SPOCK1: variants seen among roughly 807,000 people sequenced by gnomAD.
The protein encoded by SPOCK1 is SPARC (osteonectin), cwcv and kazal like domains proteoglycan 1.
In SPOCK1, 23 loss-of-function variants were observed where a neutral mutation model predicts 55.3. The observed-to-expected ratio is 0.42, with a 90% CI of 0.30 to 0.59. SPOCK1 has a LOEUF of 0.59. Among genes scored for constraint, SPOCK1 ranks in the 20% least tolerant of loss-of-function variants. SPOCK1 has a pLI of 0.22. For synonymous variants in SPOCK1, 226 were observed against 221.0 expected (o/e 1.02, Z -0.20); for missense variants, 499 against 552.5 (o/e 0.90, Z 0.97).
intron 2 of SPOCK1, among the ~76,000 whole-genome samples, chr5:137,485,663 C>T (rs911419704): frequency 6.6e-6 from 1 of 151,608 alleles, no homozygotes; most frequent in Admixed American, 6.6e-5. Flanking sequence ...AACTGCCCTT[C>T]AACAATATAA....
chr5:137,476,648 G>C (rs1460388686), intron 2 of SPOCK1, among the ~76,000 whole-genome samples: 1 of 152,268 alleles, frequency 6.6e-6, no homozygotes, highest in Non-Finnish European at 1.5e-5. Context: ...TTTTTGGCTG[G>C]ACACGGTGGC....
intron 3 of SPOCK1, among the ~76,000 whole-genome samples, chr5:137,163,838 C>T (rs900440868): frequency 1.3e-5 from 2 of 152,150 alleles, no homozygotes; most frequent in African/African-American, 4.8e-5. Context: ...GTTCCTTTAC[C>T]AAGGCACAGC....
intron 2 of SPOCK1, among the ~76,000 whole-genome samples, chr5:137,370,180 G>GCTGCCTACCT: frequency 6.6e-6 from 1 of 152,190 alleles, no homozygotes; most frequent in Admixed American, 6.5e-5. Flanking sequence ...CTTCTCACCC[G>GCTGCCTACCT]CTGCCTACCT....
chr5:137,259,113 C>T (rs17171218), intron 3 of SPOCK1, among the ~76,000 whole-genome samples: 5,279 of 152,244 alleles, frequency 0.035, 358 homozygotes, highest in African/African-American at 0.12. Flanking sequence ...GCCTACAAGA[C>T]AGCTGTGATT....
At chr5:137,007,876 C>G (rs1364584829) in intron 6 of SPOCK1, among the ~76,000 whole-genome samples, 1 of 152,058 alleles carries the variant, frequency 6.6e-6, no homozygotes, top group African/African-American at 2.4e-5. Flanking sequence ...ATAGCAAAGA[C>G]TTGGAACCAA....
chr5:137,287,677 G>T (rs183983416), intron 2 of SPOCK1, among the ~76,000 whole-genome samples: 5 of 152,296 alleles, frequency 3.3e-5, no homozygotes, highest in Admixed American at 6.5e-5. Flanking sequence ...AAAGCAAATT[G>T]CTCCCTGCAA....
At chr5:137,360,959 C>T (rs919672450) in intron 2 of SPOCK1, among the ~76,000 whole-genome samples, 1 of 152,138 alleles carries the variant, frequency 6.6e-6, no homozygotes, top group Non-Finnish European at 1.5e-5. Context: ...CTCCTAAATT[C>T]ACATGTTGAA....
intron 2 of SPOCK1, among the ~76,000 whole-genome samples, chr5:137,396,291 A>G (rs1207593044): frequency 6.6e-6 from 1 of 152,200 alleles, no homozygotes; most frequent in Non-Finnish European, 1.5e-5. Flanking sequence ...AAGTAGCTCA[A>G]AGGCATTTGA....
At chr5:137,248,237 C>T (rs1012841578) in intron 3 of SPOCK1, among the ~76,000 whole-genome samples, 2 of 152,154 alleles carry the variant, frequency 1.3e-5, no homozygotes, top group African/African-American at 4.8e-5. Context: ...AAATCTATAG[C>T]ATCTTAATCT....
At chr5:137,478,481 T>A (rs911094752) in intron 2 of SPOCK1, among the ~76,000 whole-genome samples, 1 of 152,146 alleles carries the variant, frequency 6.6e-6, no homozygotes, top group East Asian at 1.9e-4. Flanking sequence ...AGATTTGAAA[T>A]AATCACTGGT....
At chr5:137,032,605 C>A (rs147950705) in intron 6 of SPOCK1, among the ~76,000 whole-genome samples, 1 of 151,996 alleles carries the variant, frequency 6.6e-6, no homozygotes, top group African/African-American at 2.4e-5. Flanking sequence ...ACGGTACTCA[C>A]GAGAAAACCA....
intron 3 of SPOCK1, among the ~76,000 whole-genome samples, chr5:137,212,101 G>A (rs1028089927): frequency 2.6e-5 from 4 of 152,210 alleles, no homozygotes; most frequent in African/African-American, 7.2e-5. Flanking sequence ...GGCATCCGAA[G>A]GGGGGTCCAT....
intron 6 of SPOCK1, among the ~76,000 whole-genome samples, chr5:137,063,624 AAGG>A (rs1287735998): frequency 1.3e-5 from 2 of 152,178 alleles, no homozygotes; most frequent in African/African-American, 2.4e-5. Context: ...AACCTCTGAA[AAGG>A]AGAAGACCAT....
chr5:137,309,793 T>C (rs955138481), intron 2 of SPOCK1, among the ~76,000 whole-genome samples: 15 of 151,946 alleles, frequency 9.9e-5, no homozygotes, highest in African/African-American at 3.6e-4. Context: ...AATAAGAAAA[T>C]GCATGTGAAG....
intron 3 of SPOCK1, among the ~76,000 whole-genome samples, chr5:137,149,113 C>G (rs1754261061): frequency 6.6e-6 from 1 of 152,174 alleles, no homozygotes; most frequent in African/African-American, 2.4e-5. Flanking sequence ...TGCTGCTGTC[C>G]TGTGAACTTA....
chr5:137,089,312 G>C (rs1349026799), intron 5 of SPOCK1, among the ~76,000 whole-genome samples: 1 of 152,196 alleles, frequency 6.6e-6, no homozygotes. Context: ...TAATTTTCTG[G>C]TTAGTCCTTC....
At chr5:137,112,345 GCTTCCCAA>G in intron 5 of SPOCK1, 82 bp downstream of exon 5, 7 of 1,516,834 alleles carry the variant, frequency 4.6e-6, no homozygotes, top group Non-Finnish European at 6.2e-6. Flanking sequence ...AGCCCACCAC[GCTTCCCAA>G]GCCCCAGTTT....
intron 6 of SPOCK1, among the ~76,000 whole-genome samples, chr5:137,014,019 C>A (rs1751402049): frequency 6.6e-6 from 1 of 152,116 alleles, no homozygotes; most frequent in Non-Finnish European, 1.5e-5. Context: ...TGTTGAATTG[C>A]AATCCCCAGT....
intron 5 of SPOCK1, among the ~76,000 whole-genome samples, chr5:137,073,003 G>A (rs556481679): frequency 3.3e-5 from 5 of 152,290 alleles, no homozygotes; most frequent in South Asian, 4.1e-4. Context: ...CCTGGCTGAC[G>A]GGAGAATAAC....
Sources: gnomAD v4.1 joint callset for allele counts (sites outside exome capture counted in the v4.1 genomes callset) on GRCh38, gnomAD v4.1.1 for gene constraint, MANE v1.5 for transcripts, NCBI Gene and HGNC (gene_info 2026-07-23, HGNC 2026-07-21) for gene names.